The following NRGN variants were observed in gnomAD, a reference collection of about 807,000 sequenced individuals.
NRGN encodes neurogranin, also known as calmodulin-binding protein.
For missense variants in NRGN, 82 were observed against 123.0 expected (o/e 0.67, Z 1.58); for synonymous variants, 47 against 52.8 (o/e 0.89, Z 0.47).
In NRGN at chr11:124,740,559, A is replaced by T. The variant is rs750302910; in HGVS notation, c.15+460A>T. ...CCTCATGACCCTCCAACGATCGCCT[A>T]AGCGCCCTGTGCAGCGCAGGCTGGT... On this transcript the variant is annotated intron_variant, in intron 1 of 3. Transcript: ENST00000284292. The surrounding 1 kb of genome is among the most constrained non-coding windows in gnomAD (Gnocchi z 7.5). Among the ~76,000 whole-genome samples the T allele has an allele frequency of 3.3e-5, 5 of 152,236 alleles. No homozygotes were observed. The highest frequency in any genetic ancestry group is 6.5e-5 in the Admixed American group (1 of 15,288).
intron 1 of NRGN, among the ~76,000 whole-genome samples, chr11:124,741,062 C>T (rs1371412338): frequency 2.6e-5 from 4 of 152,166 alleles, no homozygotes; most frequent in Non-Finnish European, 5.9e-5. Flanking sequence ...GGAAGGATAG[C>T]CCAGTTCTAT....
rs1943998229 is a variant in NRGN, at chr11:124,745,155, T to G, written c.16-348T>G. ...GGGGGACAGGCGGCCACTCCAGGAG[T>G]GCCTGCTGCTGTTTTCCTTGCCCCT... On this transcript the variant is annotated intron_variant, in intron 1 of 3. Transcript: ENST00000284292. The surrounding 1 kb of genome is among the most constrained non-coding windows in gnomAD (Gnocchi z 6.4). 1.3e-5 allele frequency among the ~76,000 whole-genome samples: 2 copies of G among 151,910 alleles called. No individual in the cohort carries two copies. Among genetic ancestry groups the G allele is most frequent in the Non-Finnish European group, 2.9e-5 (2 of 67,978 alleles).
At chr11:124,743,678 G>A (rs752099220) in intron 1 of NRGN, among the ~76,000 whole-genome samples, 8 of 152,104 alleles carry the variant, frequency 5.3e-5, no homozygotes, top group East Asian at 1.9e-4. Flanking sequence ...TTTATAAGCC[G>A]GGGCTTGGGC....
At chr11:124,744,328 C>A (rs1385499231) in intron 1 of NRGN, among the ~76,000 whole-genome samples, 3 of 152,226 alleles carry the variant, frequency 2.0e-5, no homozygotes, top group Non-Finnish European at 4.4e-5. Flanking sequence ...AGACTTTATG[C>A]ATATCATGCT....
chr11:124,740,098 C>T lies in NRGN; in HGVS notation c.14C>T (p.Thr5Ile). The stretch of plus-strand genomic sequence containing the variant: ...CCCGACACCAGCATGGACTGCTGCA[C>T]CGTAAGTTAGAGGGCCCGGGGGAGG... Reference protein sequence around the residue: MDCCTENACSKPDDD... With the variant: MDCCIENACSKPDDD... The change falls in exon 1 of 4, where the codon ACC becomes ATC. Residue 5 changes from threonine (T) to isoleucine (I), a missense_variant and splice_region_variant. By Grantham distance (89) the Thr-to-Ile change is moderately conservative. Transcript: ENST00000284292. This position sits in a 1 kb window ranked among gnomAD's most constrained non-coding sequence, Gnocchi z 7.5. 7.4e-7 allele frequency: 1 copy of T among 1,347,242 alleles called. No homozygotes were observed. The highest frequency in any genetic ancestry group is 9.6e-7 in the Non-Finnish European group (1 of 1,044,360). 83.5% of individuals were successfully genotyped at this position (1,347,242 alleles called of 1,614,324 possible).
intron 1 of NRGN, chr11:124,744,747 CCTT>C (rs1486566976): frequency 6.6e-6 from 1 of 152,090 alleles, no homozygotes; most frequent in African/African-American, 2.4e-5. Flanking sequence ...ACCATAATTC[CCTT>C]CTTCCTCATA....
chr11:124,745,775 C>T lies in NRGN; in HGVS notation c.*5+46C>T. On this transcript the variant is annotated intron_variant, in intron 2 of 3. Coordinates refer to ENST00000284292, the MANE Select transcript of NRGN (RefSeq NM_006176.3). The surrounding 1 kb of genome is among the most constrained non-coding windows in gnomAD (Gnocchi z 6.4). ...CTGGCTGACAGCTGCCCTTCCCCAG[C>T]CCTCCCCAGGAGCAGGGGGAGAATA... 9.3e-7 allele frequency: 1 copy of T among 1,071,532 alleles called. No homozygotes were observed. The highest frequency in any genetic ancestry group is 1.2e-6 in the Non-Finnish European group (1 of 814,932). The allele number at this position is 1,071,532 out of a possible 1,614,324, so 66.4% of individuals were successfully genotyped here. A position where few individuals can be genotyped will look rare whatever the true frequency, so the allele number is the denominator to read the frequency against.
rs1387101382 is a variant in NRGN at position 124,747,042 on chromosome 11, G to A, written c.*662G>A. 3.9e-5 allele frequency: 6 copies of A among 153,130 alleles called. No homozygotes were observed. Among genetic ancestry groups the A allele is most frequent in the Non-Finnish European group, 8.8e-5 (6 of 68,454 alleles). The allele number at this position is 153,130 out of a possible 1,614,324, so 9.5% of individuals were successfully genotyped here. ...TGTTTATGCAAACGCCGAGCGCCTG[G>A]GAGGCTCGGTAGGAGGAGTCTTCCA... is the stretch of plus-strand genomic sequence containing the variant. On this transcript the variant is annotated 3_prime_UTR_variant, in exon 4 of 4. Coordinates refer to ENST00000284292, the MANE Select transcript of NRGN (RefSeq NM_006176.3).
At position 124,745,862 on chromosome 11, in the gene NRGN, G is replaced by C. The variant is rs1944005533; in HGVS notation, c.*6-103G>C. 2 of 427,676 alleles carry C rather than the reference G, an allele frequency of 4.7e-6. No individual in the cohort carries two copies. The highest frequency in any genetic ancestry group is 1.7e-4 in the South Asian group (2 of 12,006). 26.5% of individuals were successfully genotyped at this position (427,676 alleles called of 1,614,324 possible). A position where few individuals can be genotyped will look rare whatever the true frequency, so the allele number is the denominator to read the frequency against. On this transcript the variant is annotated intron_variant, in intron 2 of 3. Coordinates refer to ENST00000284292, the MANE Select transcript of NRGN (RefSeq NM_006176.3). This position sits in a 1 kb window ranked among gnomAD's most constrained non-coding sequence, Gnocchi z 6.4. ...TAAGGGTTGGGGGATAGAAATCCGA[G>C]ATGGGAGGTGGGTGGGAAGAGGCTG...
At chr11:124,742,263 G>A (rs12278912) in intron 1 of NRGN, among the ~76,000 whole-genome samples, 48,662 of 151,898 alleles carry the variant, frequency 0.32, 9,092 homozygotes, top group African/African-American at 0.53. Flanking sequence ...CATACCTCTT[G>A]GGGGCTAGAG....
In NRGN at chr11:124,741,335, C is replaced by T. The variant is rs138091207; in HGVS notation, c.15+1236C>T. On this transcript the variant is annotated intron_variant, in intron 1 of 3. Transcript: ENST00000284292. ...CCTAACTGTGGAGGCAGGATTCAAA[C>T]ATAGCCCTGTCTTCTTCGAAGAGCT... Among the ~76,000 whole-genome samples, 114 of 152,322 alleles carry T rather than the reference C, an allele frequency of 7.5e-4. No individual in the cohort carries two copies. The Middle Eastern group carries it at 0.02, about 27-fold the overall frequency.
intron 1 of NRGN, chr11:124,744,507 G>T (rs1351557876): frequency 6.6e-6 from 1 of 152,170 alleles, no homozygotes. Context: ...TACAAAGTAG[G>T]GGTAAAAATA....
Position 124,745,662 on chromosome 11 carries a change from G to A in NRGN, c.175G>A (p.Gly59Arg). The stretch of plus-strand genomic sequence containing the variant: ...GCGCGGCCGGAAGGGCCCGGGCCCT[G>A]GGGGGCCTGGCGGAGCTGGGGTGGC... The part of the protein sequence containing the change: ...GERGRKGPGP[G>R]GPGGAGVARG... The change falls in exon 2 of 4, where the codon GGG becomes AGG. Residue 59 changes from glycine to arginine, a missense_variant. Gly to Arg is a moderately radical substitution (Grantham distance 125). Transcript: ENST00000284292. The surrounding 1 kb of genome is among the most constrained non-coding windows in gnomAD (Gnocchi z 6.4). 6.6e-7 allele frequency: 1 copy of A among 1,511,218 alleles called. No individual in the cohort carries two copies. The allele number at this position is 1,511,218 out of a possible 1,614,324, so 93.6% of individuals were successfully genotyped here.
At position 124,740,113 on chromosome 11, in the gene NRGN, C is replaced by CT. The variant is rs1037094442; in HGVS notation, c.15+14_15+15insT. Reference sequence around the variant, plus strand: ...GACTGCTGCACCGTAAGTTAGAGGGCCCGGGGGAGGGGCACTTGGCGGGGT... The same window carrying CT: ...GACTGCTGCACCGTAAGTTAGAGGGCTCCGGGGGAGGGGCACTTGGCGGGGT... On this transcript the variant is annotated intron_variant, in intron 1 of 3. Transcript: ENST00000284292. The surrounding 1 kb of genome is among the most constrained non-coding windows in gnomAD (Gnocchi z 7.5). 4.5e-6 allele frequency: 6 copies of CT among 1,324,134 alleles called. No homozygotes were observed. In the African/African-American group the frequency reaches 9.2e-5, roughly 20 times the overall value. The allele number at this position is 1,324,134 out of a possible 1,614,324, so 82.0% of individuals were successfully genotyped here.
intron 1 of NRGN, among the ~76,000 whole-genome samples, chr11:124,741,025 A>G (rs550639259): frequency 1.3e-5 from 2 of 152,404 alleles, no homozygotes; most frequent in East Asian, 3.9e-4. Flanking sequence ...ATGGCATAGT[A>G]AAGAAAAAAA....
intron 1 of NRGN, among the ~76,000 whole-genome samples, chr11:124,743,608 T>C (rs1455919597): frequency 6.6e-6 from 1 of 152,098 alleles, no homozygotes; most frequent in Non-Finnish European, 1.5e-5. Flanking sequence ...TGAGCACGAA[T>C]TGAAGAATGT....
intron 1 of NRGN, among the ~76,000 whole-genome samples, chr11:124,743,789 GA>G: frequency 6.6e-6 from 1 of 151,730 alleles, no homozygotes; most frequent in Non-Finnish European, 1.5e-5. Context: ...CCGGATGGAT[GA>G]TGGCAGGGAG....
intron 3 of NRGN, 185 bp downstream of exon 3, chr11:124,746,167 A>T (rs1195132343): frequency 6.5e-6 from 1 of 154,786 alleles, no homozygotes; most frequent in Non-Finnish European, 1.4e-5. Context: ...GGACCAAGAC[A>T]TGCGCAGCCA....
Position 124,740,128 on chromosome 11 carries a change from C to G in NRGN, c.15+29C>G, listed in dbSNP as rs560602717. 2 of 1,323,886 alleles carry G rather than the reference C, an allele frequency of 1.5e-6. No homozygotes were observed. The highest frequency in any genetic ancestry group is 1.9e-6 in the Non-Finnish European group (2 of 1,028,498). 82.0% of individuals were successfully genotyped at this position (1,323,886 alleles called of 1,614,324 possible). A position where few individuals can be genotyped will look rare whatever the true frequency, so the allele number is the denominator to read the frequency against. On this transcript the variant is annotated intron_variant, in intron 1 of 3. Transcript: ENST00000284292. This position sits in a 1 kb window ranked among gnomAD's most constrained non-coding sequence, Gnocchi z 7.5. ...AGTTAGAGGGCCCGGGGGAGGGGCA[C>G]TTGGCGGGGTCCGCTGCGAGAGGCG... is the stretch of plus-strand genomic sequence containing the variant.
Sources: gnomAD v4.1 joint callset for allele counts (sites outside exome capture counted in the v4.1 genomes callset) on GRCh38, gnomAD v4.1.1 for gene constraint, Gnocchi (gnomAD v3.1) non-coding constraint, MANE v1.5 for transcripts, NCBI Gene and HGNC (gene_info 2026-07-23, HGNC 2026-07-21) for gene names.